AIRE: variants seen among roughly 807,000 people sequenced by gnomAD.
The protein encoded by AIRE is autoimmune polyendocrinopathy candidiasis ectodermal dystrophy protein.
AIRE carries 52 observed loss-of-function variants against 62.1 expected under a neutral mutation model. The observed-to-expected ratio is 0.84, with a 90% CI of 0.67 to 1.06. The LOEUF (loss-of-function observed/expected upper bound fraction) is 1.06. AIRE is among the 50% of genes least tolerant of loss of function. AIRE has a pLI of 0.00. For synonymous variants in AIRE, 342 were observed against 321.6 expected (o/e 1.06, Z -0.68); for missense variants, 774 against 755.8 (o/e 1.02, Z -0.28).
intron 10 of AIRE, 70 bp from the exon 11 acceptor site, chr21:44,293,719 G>C (rs892598215): frequency 1.3e-6 from 2 of 1,590,434 alleles, no homozygotes; most frequent in Middle Eastern, 2.3e-4. Context: ...AGAGCGCACA[G>C]GGCTCGGGTT....
rs576067406 is a variant in AIRE, at chr21:44,296,522, T to TG, written c.1566+82dup. 6.4e-5 allele frequency: 89 copies of TG among 1,386,470 alleles called. No homozygotes were observed. In the South Asian group the frequency reaches 9.6e-4, roughly 15 times the overall value. 85.9% of individuals were successfully genotyped at this position (1,386,470 alleles called of 1,614,324 possible). A position where few individuals can be genotyped will look rare whatever the true frequency, so the allele number is the denominator to read the frequency against. On this transcript the variant is annotated intron_variant, in intron 13 of 13. Coordinates refer to ENST00000291582, the MANE Select transcript of AIRE (RefSeq NM_000383.4). ...CAGCCGGCACCCAGGCTCCCCACTC[T>TG]GGGGGAGGACTGCCGGCCCCCACTG...
At chr21:44,290,264 C>T (rs570398695) in intron 7 of AIRE, 196 bp downstream of exon 7, 1 of 985,256 alleles carries the variant, frequency 1.0e-6, no homozygotes, top group Non-Finnish European at 1.2e-6. Flanking sequence ...TTAAATGAGT[C>T]AGAGAAAGTG....
In AIRE at chr21:44,290,221, A is replaced by AT. The variant is rs887140500; in HGVS notation, c.879+160dup. On this transcript the variant is annotated intron_variant, in intron 7 of 13. Transcript: ENST00000291582. ...CAGCTCTTTTTCTTTAATAGACAGT[A>AT]TTTTTTTCCTGATAATACGCAATGG... 170 of 982,426 alleles carry AT rather than the reference A, an allele frequency of 1.7e-4. 2 individuals are homozygous for AT. In the South Asian group the frequency reaches 6.7e-3, roughly 39 times the overall value. 60.9% of individuals were successfully genotyped at this position (982,426 alleles called of 1,614,324 possible).
chr21:44,296,684 G>T (rs866618872), intron 13 of AIRE, among the ~76,000 whole-genome samples: 2 of 145,332 alleles, frequency 1.4e-5, no homozygotes, highest in Non-Finnish European at 3.0e-5. Flanking sequence ...CCCTGCGGGA[G>T]CCCAGTGCTG....
rs1306905870 is a variant in AIRE at position 44,297,922 on chromosome 21, C to A, written c.*195C>A. On this transcript the variant is annotated 3_prime_UTR_variant, in exon 14 of 14. Transcript: ENST00000291582. The surrounding 1 kb of genome is among the most constrained non-coding windows in gnomAD (Gnocchi z 4.8). ...CTGGAAATTAAACCCTGCCCCACTT[C>A]TCTACTCTGGAAGTCCCCGGGAGCC... The A allele has an allele frequency of 3.2e-6, 2 of 618,218 alleles. No homozygotes were observed. The highest frequency in any genetic ancestry group is 5.8e-6 in the Non-Finnish European group (2 of 342,778). The allele number at this position is 618,218 out of a possible 1,614,324, so 38.3% of individuals were successfully genotyped here.
intron 7 of AIRE, chr21:44,290,758 G>A (rs768150178): frequency 2.9e-5 from 42 of 1,447,898 alleles, no homozygotes; most frequent in Admixed American, 9.2e-5. Context: ...CGCTGAGGTC[G>A]GGAGAGACCT....
rs370007090 is a variant in AIRE, at chr21:44,290,103, G to T, written c.879+35G>T. On this transcript the variant is annotated intron_variant, in intron 7 of 13. Transcript: ENST00000291582. ...TAGACCACAGGAGAGGCCCCTGTCTGCCCTTGCTCCCCTCGGGTGGGTCCT... is the reference window on the plus strand; with the variant it reads ...TAGACCACAGGAGAGGCCCCTGTCTTCCCTTGCTCCCCTCGGGTGGGTCCT... The T allele has an allele frequency of 2.5e-6, 4 of 1,597,738 alleles. No homozygotes were observed. In the East Asian group the frequency reaches 6.7e-5, roughly 27 times the overall value.
At chr21:44,292,165 G>T in intron 8 of AIRE, 137 bp from the exon 9 acceptor site, 1 of 757,210 alleles carries the variant, frequency 1.3e-6, no homozygotes, top group Non-Finnish European at 2.4e-6. Flanking sequence ...CTGTGTCTCT[G>T]CCCATCTCTC....
chr21:44,292,873 C>T, intron 9 of AIRE, 120 bp from the exon 10 acceptor site: 1 of 843,208 alleles, frequency 1.2e-6, no homozygotes, highest in Non-Finnish European at 2.0e-6. Flanking sequence ...CCGCCCCCAC[C>T]ATGCCAGGCC....
Position 44,293,825 on chromosome 21 carries a change from G to C in AIRE, c.1315G>C (p.Asp439His), listed in dbSNP as rs760012106. 2 of 1,596,904 alleles carry C rather than the reference G, an allele frequency of 1.3e-6. No homozygotes were observed. Among genetic ancestry groups the C allele is most frequent in the Non-Finnish European group, 1.7e-6 (2 of 1,179,600 alleles). The change falls in exon 11 of 14, where the codon GAT becomes CAT. Residue 439 changes from aspartate to histidine, a missense_variant. Around this residue, in one of 3 missense-constraint regions of AIRE, gnomAD observed 354 missense variants for 296.1 expected, o/e 1.20. Transcript: ENST00000291582. ...TGGTGCGCGTTGCGGGGTGTGCGGA[G>C]ATGGTACGGACGTGCTGCGGTGTAC... ...APGARCGVCG[D>H]GTDVLRCTHC...
At chr21:44,289,254 G>A (rs1470611644) in intron 5 of AIRE, 1 of 224,070 alleles carries the variant, frequency 4.5e-6, no homozygotes, top group Admixed American at 5.2e-5. Flanking sequence ...GGGTACCCCT[G>A]TGCTCCTTGT....
Position 44,296,426 on chromosome 21 carries a change from T to TGGA in AIRE, c.1549_1551dup (p.Glu517dup). The TGGA allele has an allele frequency of 6.2e-7, 1 of 1,612,536 alleles. No homozygotes were observed. The highest frequency in any genetic ancestry group is 8.5e-7 in the Non-Finnish European group (1 of 1,179,796). ...GAGCCCGCTCTGCACAGGGATGACCTGGAGTCCCTTCTGAGCGAGGTAACG... is the reference window on the plus strand; with the variant it reads ...GAGCCCGCTCTGCACAGGGATGACCTGGAGGAGTCCCTTCTGAGCGAGGTAACG... On this transcript the variant is annotated inframe_insertion, in exon 13 of 14. Transcript: ENST00000291582.
intron 5 of AIRE, 69 bp downstream of exon 5, chr21:44,288,527 C>A (rs1437197714): frequency 6.0e-6 from 7 of 1,172,812 alleles, no homozygotes; most frequent in Non-Finnish European, 6.3e-6. Flanking sequence ...GAGGACCACG[C>A]CCCTTTGCAT....
rs2040625027 is a variant in AIRE, at chr21:44,297,656, C to G, written c.1567C>G (p.His523Asp). 1 of 1,611,626 alleles carries G rather than the reference C, an allele frequency of 6.2e-7. No homozygotes were observed. Among genetic ancestry groups the G allele is most frequent in the African/African-American group, 1.3e-5 (1 of 75,032 alleles). The change falls in exon 14 of 14, where the codon CAC becomes GAC. Residue 523 changes from histidine (H) to aspartate (D), a missense_variant and splice_region_variant. His to Asp is a moderately conservative substitution (Grantham distance 81). Around this residue, in one of 3 missense-constraint regions of AIRE, gnomAD observed 354 missense variants for 296.1 expected, o/e 1.20. Coordinates refer to ENST00000291582, the MANE Select transcript of AIRE (RefSeq NM_000383.4). The surrounding 1 kb of genome is among the most constrained non-coding windows in gnomAD (Gnocchi z 4.8). ...TTCTCACCGTCACTCTGTCCCGCAG[C>G]ACACCTTCGATGGCATCCTGCAGTG... ...RDDLESLLSE[H>D]TFDGILQWAI... is the part of the protein sequence containing the mutation.
At position 44,286,871 on chromosome 21, in the gene AIRE, A is replaced by C. The variant is rs2040487393; in HGVS notation, c.308-107A>C. 1 of 1,574,234 alleles carries C rather than the reference A, an allele frequency of 6.4e-7. No homozygotes were observed. Among genetic ancestry groups the C allele is most frequent in the Non-Finnish European group, 8.7e-7 (1 of 1,148,784 alleles). ...GGACCGTCTTGGATCCTAAGAGGCA[A>C]AGGGGCCAGGCCTCACCTGTCTGGC... is the stretch of plus-strand genomic sequence containing the variant. On this transcript the variant is annotated intron_variant, in intron 2 of 13. Coordinates refer to ENST00000291582, the MANE Select transcript of AIRE (RefSeq NM_000383.4). The surrounding 1 kb of genome is among the most constrained non-coding windows in gnomAD (Gnocchi z 6.0).
In AIRE at chr21:44,286,985, C is replaced by T. The variant is rs2040488354; in HGVS notation, c.315C>T (p.Asp105=). Residue 105 remains aspartate (D), a synonymous_variant, in exon 3 of 14, where the codon GAC becomes GAT. Coordinates refer to ENST00000291582, the MANE Select transcript of AIRE (RefSeq NM_000383.4). This position sits in a 1 kb window ranked among gnomAD's most constrained non-coding sequence, Gnocchi z 6.0. ...CCTGCCCCTGAGCTGCAGATGTGGA[C>T]CTCAGCCAGCCCCGGAAGGGGAGGA... The part of the protein sequence containing the change: ...PILDSFPKDV[D]LSQPRKGRKP... 1 of 1,612,636 alleles carries T rather than the reference C, an allele frequency of 6.2e-7. No homozygotes were observed. Among genetic ancestry groups the T allele is most frequent in the South Asian group, 1.1e-5 (1 of 91,082 alleles).
In AIRE at chr21:44,287,435, C is replaced by A. The variant is rs989518616; in HGVS notation, c.464-82C>A. 7.0e-6 allele frequency: 7 copies of A among 1,002,226 alleles called. No homozygotes were observed. The highest frequency in any genetic ancestry group is 1.1e-5 in the Non-Finnish European group (7 of 651,348). 62.1% of individuals were successfully genotyped at this position (1,002,226 alleles called of 1,614,324 possible). A position where few individuals can be genotyped will look rare whatever the true frequency, so the allele number is the denominator to read the frequency against. ...CCAGCACTGGACCGCCCCCTCCACG[C>A]CCTCCCACCGCGGGCCCCTGCCCAC... On this transcript the variant is annotated intron_variant, in intron 3 of 13. Transcript: ENST00000291582. The surrounding 1 kb of genome is among the most constrained non-coding windows in gnomAD (Gnocchi z 4.3).
chr21:44,297,764 G>A lies in AIRE; in HGVS notation c.*37G>A, dbSNP rs778082359. ...CGGGACATGCAGCTCTGATGAGAGA[G>A]TGCTGAGAAGGACACCTCCTTCCTC... is the stretch of plus-strand genomic sequence containing the variant. On this transcript the variant is annotated 3_prime_UTR_variant, in exon 14 of 14. Transcript: ENST00000291582. The surrounding 1 kb of genome is among the most constrained non-coding windows in gnomAD (Gnocchi z 4.8). 14 of 1,576,742 alleles carry A rather than the reference G, an allele frequency of 8.9e-6. No individual in the cohort carries two copies. In the African/African-American group the frequency reaches 1.8e-4, roughly 20 times the overall value.
chr21:44,288,813 A>G (rs2040506505), intron 5 of AIRE: 2 of 254,892 alleles, frequency 7.8e-6, no homozygotes, highest in Non-Finnish European at 1.5e-5. Flanking sequence ...GCATTCTTCA[A>G]CCAGGACAGC....
Sources: gnomAD v4.1 joint callset for allele counts (sites outside exome capture counted in the v4.1 genomes callset) on GRCh38, gnomAD v4.1.1 for gene constraint, gnomAD v4.1.1 regional missense constraint, Gnocchi (gnomAD v3.1) non-coding constraint, MANE v1.5 for transcripts, NCBI Gene and HGNC (gene_info 2026-07-23, HGNC 2026-07-21) for gene names.